The following COG6 variants were observed in gnomAD, a reference collection of about 807,000 sequenced individuals.
The protein encoded by COG6 is component of oligomeric golgi complex 6, also known as conserved oligomeric Golgi complex subunit 6.
Under a neutral mutation model 88.8 loss-of-function variants are expected in COG6, and 74 were observed. The ratio of observed to expected loss-of-function variants is 0.83; its 90% CI spans 0.69 to 1.01. The LOEUF is 1.01. Among genes scored for constraint, COG6 ranks in the 50% least tolerant of loss-of-function variants. The pLI, the probability that COG6 is intolerant of heterozygous loss-of-function variation, is 0.00. For missense variants in COG6, 800 were observed against 797.9 expected (o/e 1.00, Z -0.03); for synonymous variants, 286 against 278.7 (o/e 1.03, Z -0.26).
At chr13:39,668,011 T>G (rs539884881) in intron 4 of COG6, among the ~76,000 whole-genome samples, 1 of 151,962 alleles carries the variant, frequency 6.6e-6, no homozygotes, top group Non-Finnish European at 1.5e-5. Context: ...CTTCAAAGCT[T>G]TTTTTTTAAA....
chr13:39,785,303 T>A (rs890771327), intron 18 of COG6: 1 of 152,334 alleles, frequency 6.6e-6, no homozygotes, highest in Middle Eastern at 3.4e-3. Flanking sequence ...CTGAAGGTAG[T>A]AAGGCAGGGA....
At chr13:39,669,546 C>A (rs896721728) in intron 4 of COG6, among the ~76,000 whole-genome samples, 1 of 152,122 alleles carries the variant, frequency 6.6e-6, no homozygotes, top group Non-Finnish European at 1.5e-5. Flanking sequence ...TTTGTATTTG[C>A]AGTGCCTGCT....
At chr13:39,669,547 A>G (rs945081628) in intron 4 of COG6, among the ~76,000 whole-genome samples, 4 of 152,186 alleles carry the variant, frequency 2.6e-5, no homozygotes, top group African/African-American at 9.6e-5. Context: ...TTGTATTTGC[A>G]GTGCCTGCTA....
chr13:39,683,464 A>C (rs1876439066), intron 8 of COG6, among the ~76,000 whole-genome samples: 1 of 152,190 alleles, frequency 6.6e-6, no homozygotes, highest in South Asian at 2.1e-4. Context: ...CACCTTTGGG[A>C]AATTAATTGT....
intron 12 of COG6, among the ~76,000 whole-genome samples, chr13:39,697,391 A>G (rs747737931): frequency 2.0e-5 from 3 of 151,938 alleles, no homozygotes; most frequent in South Asian, 2.1e-4. Flanking sequence ...AGCAGGACGC[A>G]TGCAAGATCT....
intron 11 of COG6, among the ~76,000 whole-genome samples, chr13:39,692,658 G>A (rs1247315252): frequency 2.6e-5 from 4 of 151,934 alleles, no homozygotes; most frequent in East Asian, 3.9e-4. Flanking sequence ...TCTTGCTCTC[G>A]CTTTTGCTCT....
At chr13:39,727,585 C>T in intron 18 of COG6, 37 bp downstream of exon 18, 1 of 1,398,610 alleles carries the variant, frequency 7.1e-7, no homozygotes, top group Non-Finnish European at 1.0e-6. Flanking sequence ...GGTAAAGATT[C>T]ACATATTTTT....
chr13:39,681,659 ATAAAAT>A (rs1338095247), intron 7 of COG6, among the ~76,000 whole-genome samples: 1 of 152,236 alleles, frequency 6.6e-6, no homozygotes, highest in Non-Finnish European at 1.5e-5. Context: ...CATTTTATAG[ATAAAAT>A]TAGAATAATA....
intron 18 of COG6, among the ~76,000 whole-genome samples, chr13:39,767,202 G>T (rs546957987): frequency 1.3e-5 from 2 of 152,278 alleles, no homozygotes; most frequent in East Asian, 3.9e-4. Context: ...ACGTTTATCT[G>T]CTTTCTACAA....
intron 1 of COG6, among the ~76,000 whole-genome samples, chr13:39,657,990 C>G (rs931168565): frequency 6.6e-6 from 1 of 151,786 alleles, no homozygotes; most frequent in Non-Finnish European, 1.5e-5. Flanking sequence ...TAAACTGGTT[C>G]CGCTCTCACT....
In COG6 at chr13:39,719,368, G is replaced by A; in HGVS notation, c.1416+1G>A. 1 of 1,611,670 alleles carries A rather than the reference G, an allele frequency of 6.2e-7. No individual in the cohort carries two copies. Among genetic ancestry groups the A allele is most frequent in the South Asian group, 1.1e-5 (1 of 90,992 alleles). On this transcript the variant is annotated splice_donor_variant, in intron 14 of 18. Transcript: ENST00000455146. LOFTEE classifies it high-confidence loss of function. Reference sequence around the variant, plus strand: ...TGCTCGTCAAGCTGATTTTGTGCAGGTATGTTATAAATTCATTTTTAATGA... The same window carrying A: ...TGCTCGTCAAGCTGATTTTGTGCAGATATGTTATAAATTCATTTTTAATGA...
chr13:39,778,669 C>G (rs1180403270), intron 18 of COG6, among the ~76,000 whole-genome samples: 4 of 152,234 alleles, frequency 2.6e-5, no homozygotes, highest in Admixed American at 6.5e-5. Flanking sequence ...CACAGTTTCT[C>G]TAAGTCAGAG....
At chr13:39,758,220 A>C (rs75297315) in intron 18 of COG6, among the ~76,000 whole-genome samples, 1 of 90,542 alleles carries the variant, frequency 1.1e-5, no homozygotes, top group South Asian at 3.0e-4. Flanking sequence ...TGCCTTCTCA[A>C]AAAAAAAAAA....
chr13:39,734,485 A>T (rs1052419705), intron 18 of COG6, among the ~76,000 whole-genome samples: 8 of 152,086 alleles, frequency 5.3e-5, no homozygotes, highest in Middle Eastern at 3.2e-3. Context: ...TTTCATTTTT[A>T]AAAAAATTTT....
chr13:39,673,085 T>C (rs1875748878), intron 4 of COG6, among the ~76,000 whole-genome samples: 2 of 152,122 alleles, frequency 1.3e-5, no homozygotes, highest in South Asian at 2.1e-4. Flanking sequence ...AGGTTATTTG[T>C]GTTTTTATTT....
chr13:39,788,649 GTGTC>G (rs971667045), exon 19 of COG6: 22 of 403,070 alleles, frequency 5.5e-5, no homozygotes, highest in East Asian at 1.2e-4. Flanking sequence ...CACTAAAATG[GTGTC>G]TGTCTAAGTG....
intron 18 of COG6, among the ~76,000 whole-genome samples, chr13:39,733,760 A>G (rs183528657): frequency 6.6e-6 from 1 of 152,318 alleles, no homozygotes; most frequent in East Asian, 1.9e-4. Flanking sequence ...AAGTGAAGCC[A>G]TCAGTTCCTG....
intron 11 of COG6, among the ~76,000 whole-genome samples, chr13:39,691,578 T>C (rs1260049258): frequency 6.6e-6 from 1 of 151,972 alleles, no homozygotes; most frequent in Non-Finnish European, 1.5e-5. Flanking sequence ...GTGTTCACAA[T>C]AGTTACGTAT....
intron 13 of COG6, among the ~76,000 whole-genome samples, chr13:39,703,934 A>G (rs1027332834): frequency 1.3e-5 from 2 of 151,018 alleles, no homozygotes; most frequent in South Asian, 2.1e-4. Context: ...TGGTCTCACT[A>G]TGTTGCCCAG....
Sources: allele counts gnomAD v4.1 joint callset (sites outside exome capture counted in the v4.1 genomes callset), GRCh38; gene constraint gnomAD v4.1.1; transcripts MANE v1.5; gene names NCBI Gene and HGNC (gene_info 2026-07-23, HGNC 2026-07-21).